The following SDK1 variants were observed in gnomAD, a reference collection of about 807,000 sequenced individuals.
SDK1 encodes the protein protein sidekick-1.
In SDK1, 157 loss-of-function variants were observed where a neutral mutation model predicts 245.5. That is an observed-to-expected ratio of 0.64 (90% confidence interval 0.56 to 0.73). SDK1 has a LOEUF of 0.73. Ranked by LOEUF, SDK1 falls within the 30% of genes least tolerant of loss-of-function variation. The pLI is 0.00. For missense variants in SDK1, 3,583 were observed against 3,002.3 expected, an observed-to-expected ratio of 1.19 and a Z score of -4.52; for synonymous variants, 1,647 against 1,278.5, an observed-to-expected ratio of 1.29 and a Z score of -6.15.
chr7:3,468,286 G>T (rs1781072426), intron 1 of SDK1, among the ~76,000 whole-genome samples: 1 of 152,098 alleles, frequency 6.6e-6, no homozygotes, highest in Admixed American at 6.5e-5. Context: ...AACAAAAAGT[G>T]GTTAATATGA....
intron 1 of SDK1, among the ~76,000 whole-genome samples, chr7:3,419,983 ACC>A: frequency 6.6e-6 from 1 of 152,258 alleles, no homozygotes; most frequent in South Asian, 2.1e-4. Context: ...TGAGAAATGC[ACC>A]CAACCTCTGT....
chr7:3,530,390 A>G (rs1783301849), intron 1 of SDK1, among the ~76,000 whole-genome samples: 1 of 152,150 alleles, frequency 6.6e-6, no homozygotes, highest in Admixed American at 6.5e-5. Flanking sequence ...TGGCTAAATG[A>G]TTATTAAAAT....
rs1415488255 is a variant in SDK1, at chr7:3,395,156, T to C, written c.298+93272T>C. 2.0e-5 allele frequency among the ~76,000 whole-genome samples: 3 copies of C among 152,016 alleles called. 1 individual carries two copies. Among genetic ancestry groups the C allele is most frequent in the Non-Finnish European group, 4.4e-5 (3 of 67,922 alleles). ...TTTTTGCACATGTTACCAGGTTCTA[T>C]TCTAAGGTTGCTGAGACTTTTTATC... On this transcript the variant is annotated intron_variant, in intron 1 of 44. Coordinates refer to ENST00000404826, the MANE Select transcript of SDK1 (RefSeq NM_152744.4).
rs115779734 is a variant in SDK1, at chr7:3,791,979, T to A, written c.714-29471T>A. ...TCTTTCCAAAAAATGCAAAAAAAAA[T>A]TAGCCAGATGTAGTGGTTCATGCCT... On this transcript the variant is annotated intron_variant, in intron 4 of 44. Coordinates refer to ENST00000404826, the MANE Select transcript of SDK1 (RefSeq NM_152744.4). Among the ~76,000 whole-genome samples the A allele has an allele frequency of 5.6e-3, 843 of 151,260 alleles. 8 individuals carry two copies. The highest frequency in any genetic ancestry group is 0.02 in the African/African-American group (810 of 41,188).
intron 4 of SDK1, among the ~76,000 whole-genome samples, chr7:3,774,408 T>C (rs546298166): frequency 2.1e-3 from 321 of 152,222 alleles, no homozygotes; most frequent in Non-Finnish European, 3.9e-3. Flanking sequence ...CAGTGTCCTT[T>C]TTGCCTACCA....
intron 1 of SDK1, among the ~76,000 whole-genome samples, chr7:3,467,084 A>G (rs1275357235): frequency 1.3e-5 from 2 of 151,352 alleles, no homozygotes; most frequent in Non-Finnish European, 2.9e-5. Flanking sequence ...CAAAATGGTA[A>G]AAGTCATTAT....
rs942968712 is a variant in SDK1, at chr7:3,851,886, C to G, written c.847+30303C>G. Among the ~76,000 whole-genome samples, 2 of 152,170 alleles carry G rather than the reference C, an allele frequency of 1.3e-5. 1 individual carries two copies. Among genetic ancestry groups the G allele is most frequent in the African/African-American group, 4.8e-5 (2 of 41,424 alleles). On this transcript the variant is annotated intron_variant, in intron 5 of 44. Coordinates refer to ENST00000404826, the MANE Select transcript of SDK1 (RefSeq NM_152744.4). ...TGATCTATAAATAAAATGGTATATT[C>G]TCATACCCCTGACAGATTTTGACAA...
intron 5 of SDK1, among the ~76,000 whole-genome samples, chr7:3,826,449 G>A (rs1185222275): frequency 2.0e-5 from 3 of 152,156 alleles, no homozygotes; most frequent in Non-Finnish European, 4.4e-5. Context: ...TCTTCTTGGC[G>A]ACGTGGCTTC....
intron 35 of SDK1, among the ~76,000 whole-genome samples, chr7:4,190,633 A>C (rs1783142378): frequency 6.6e-6 from 1 of 152,214 alleles, no homozygotes; most frequent in Non-Finnish European, 1.5e-5. Flanking sequence ...AATGCGCTGC[A>C]CCCGGCCCAC....
chr7:3,608,955 T>C (rs1329673410), intron 1 of SDK1, among the ~76,000 whole-genome samples: 1 of 152,184 alleles, frequency 6.6e-6, no homozygotes, highest in African/African-American at 2.4e-5. Flanking sequence ...AAACAACATA[T>C]TACAAGAGAC....
chr7:4,017,001 A>G (rs778818607), intron 16 of SDK1, among the ~76,000 whole-genome samples, 170 bp from the exon 17 acceptor site: 1 of 152,206 alleles, frequency 6.6e-6, no homozygotes, highest in African/African-American at 2.4e-5. Flanking sequence ...ATTAGAGCAC[A>G]CTTTTCAAAA....
In SDK1 at chr7:3,913,387, A is replaced by G. The variant is rs543151274; in HGVS notation, c.848-37536A>G. ...CGGCTCACTGCAACCTCCGCCTCCC[A>G]GGTTCACGCCATTCTCCTGCCTCAG... On this transcript the variant is annotated intron_variant, in intron 5 of 44. Transcript: ENST00000404826. 3.6e-3 allele frequency among the ~76,000 whole-genome samples: 524 copies of G among 144,588 alleles called. 6 individuals carry two copies. The highest frequency in any genetic ancestry group is 0.012 in the African/African-American group (461 of 38,476). 94.9% of individuals were successfully genotyped at this position (144,588 alleles called of 152,430 possible).
intron 4 of SDK1, among the ~76,000 whole-genome samples, chr7:3,720,950 A>G (rs999190966): frequency 6.6e-6 from 1 of 152,234 alleles, no homozygotes; most frequent in African/African-American, 2.4e-5. Context: ...CACAACTGGG[A>G]TAGACCTCAA....
intron 1 of SDK1, among the ~76,000 whole-genome samples, chr7:3,424,202 A>G (rs544680397): frequency 6.6e-6 from 1 of 152,298 alleles, no homozygotes; most frequent in East Asian, 1.9e-4. Context: ...GTGAGCCACC[A>G]TGCCCGGCCA....
intron 41 of SDK1, among the ~76,000 whole-genome samples, chr7:4,235,958 G>A (rs905782649): frequency 5.3e-5 from 8 of 152,254 alleles, no homozygotes; most frequent in Non-Finnish European, 1.0e-4. Flanking sequence ...GCCCGGTGGT[G>A]TAAGTGTGGC....
intron 2 of SDK1, among the ~76,000 whole-genome samples, chr7:3,630,412 T>C (rs1782253733): frequency 6.6e-6 from 1 of 152,166 alleles, no homozygotes; most frequent in African/African-American, 2.4e-5. Context: ...AGATAGAAGA[T>C]CAACATATAA....
At chr7:3,665,829 C>T (rs1429316039) in intron 4 of SDK1, among the ~76,000 whole-genome samples, 8 of 152,170 alleles carry the variant, frequency 5.3e-5, no homozygotes, top group African/African-American at 1.9e-4. Context: ...TCCAGCGTTC[C>T]TTGTGTTGCT....
chr7:3,520,068 G>A (rs1782883837), intron 1 of SDK1, among the ~76,000 whole-genome samples: 1 of 152,174 alleles, frequency 6.6e-6, no homozygotes, highest in Non-Finnish European at 1.5e-5. Context: ...TCTTATTAAA[G>A]TTACTGCATT....
intron 4 of SDK1, among the ~76,000 whole-genome samples, chr7:3,659,984 G>T (rs1783303374): frequency 6.6e-6 from 1 of 152,166 alleles, no homozygotes; most frequent in African/African-American, 2.4e-5. Flanking sequence ...CGGATATGGG[G>T]CTTGTTCAGT....
Sources: allele counts gnomAD v4.1 joint callset (sites outside exome capture counted in the v4.1 genomes callset), GRCh38; gene constraint gnomAD v4.1.1; transcripts MANE v1.5; gene names NCBI Gene and HGNC (gene_info 2026-07-23, HGNC 2026-07-21).